The following GSDMA variants were observed in gnomAD, a reference collection of about 807,000 sequenced individuals.
The protein encoded by GSDMA is gasdermin A.
Under a neutral mutation model 54.3 loss-of-function variants are expected in GSDMA, and 55 were observed. That is an observed-to-expected ratio of 1.01 (90% confidence interval 0.82 to 1.27). GSDMA has a LOEUF of 1.27. Ranked by LOEUF, GSDMA falls within the 50% of genes most tolerant of loss-of-function variation. The pLI is 0.00. For synonymous variants in GSDMA, 211 were observed against 224.7 expected (o/e 0.94, Z 0.54); for missense variants, 542 against 542.6 (o/e 1.00, Z 0.01).
intron 5 of GSDMA, 100 bp downstream of exon 5, chr17:39,971,720 A>G: frequency 7.2e-6 from 6 of 832,906 alleles, no homozygotes; most frequent in Non-Finnish European, 1.0e-5. Flanking sequence ...GAGAATGAGT[A>G]GGGGGGTGTA....
In GSDMA at chr17:39,977,051, C is replaced by T. The variant is rs1198693370; in HGVS notation, c.1331C>T (p.Ala444Val). Residue 444 changes from alanine (A) to valine (V), a missense_variant, in exon 12 of 12, where the codon GCC (alanine) becomes GTC (valine). Physicochemically the swap from Ala to Val is moderately conservative, Grantham distance 64 (BLOSUM62 0). Transcript: ENST00000301659. Reference sequence around the variant, plus strand: ...TCTCTCCTTCAGCAGCTTACCAAGGCCTCCTAATTTGCCTTTTACGTCTGC... The same window carrying T: ...TCTCTCCTTCAGCAGCTTACCAAGGTCTCCTAATTTGCCTTTTACGTCTGC... ...GLSLLQQLTK[A>V]S is the part of the protein sequence containing the mutation. The T allele has an allele frequency of 3.7e-6, 6 of 1,613,798 alleles. No individual in the cohort carries two copies. The highest frequency in any genetic ancestry group is 5.1e-6 in the Non-Finnish European group (6 of 1,179,820).
intron 7 of GSDMA, among the ~76,000 whole-genome samples, chr17:39,972,831 C>G (rs1037586766): frequency 3.3e-5 from 5 of 152,060 alleles, no homozygotes; most frequent in Non-Finnish European, 7.4e-5. Flanking sequence ...GACCTTTGTC[C>G]TCAACAGCCT....
At chr17:39,969,169 G>C (rs1007979111) in intron 3 of GSDMA, among the ~76,000 whole-genome samples, 1 of 151,980 alleles carries the variant, frequency 6.6e-6, no homozygotes, top group Non-Finnish European at 1.5e-5. Flanking sequence ...CTGGGCAAGA[G>C]AGTGAAACCC....
At position 39,971,605 on chromosome 17, in the gene GSDMA, G is replaced by A. The variant is rs976696445; in HGVS notation, c.640G>A (p.Gly214Ser). 1.9e-6 allele frequency: 3 copies of A among 1,613,758 alleles called. No homozygotes were observed. Among genetic ancestry groups the A allele is most frequent in the Non-Finnish European group, 2.5e-6 (3 of 1,179,674 alleles). Residue 214 changes from glycine to serine, a missense_variant, in exon 5 of 12, where the codon GGC (glycine) becomes AGC (serine). Coordinates refer to ENST00000301659, the MANE Select transcript of GSDMA (RefSeq NM_178171.5). Reference protein sequence around the residue: ...AFRVRQLMVKGKDEWDIPHIC... With the variant: ...AFRVRQLMVKSKDEWDIPHIC... ...TCGAGTGAGACAGCTGATGGTCAAA[G>A]GCAAAGATGAGTGGGGTGAGCAGAG...
intron 5 of GSDMA, 54 bp from the exon 6 acceptor site, chr17:39,972,075 A>C: frequency 8.1e-7 from 1 of 1,233,678 alleles, no homozygotes; most frequent in Non-Finnish European, 1.2e-6. Context: ...TGAAGAAGGG[A>C]ATGTGGGGCA....
Position 39,976,921 on chromosome 17 carries a change from G to A in GSDMA, c.1201G>A (p.Glu401Lys). Residue 401 changes from glutamate to lysine, a missense_variant, in exon 12 of 12, where the codon GAG becomes AAG. Coordinates refer to ENST00000301659, the MANE Select transcript of GSDMA (RefSeq NM_178171.5). Reference protein sequence around the residue: ...SLGDEELTLTEALVGLSGLEV... With the variant: ...SLGDEELTLTKALVGLSGLEV... ...TGGGGACGAGGAGCTGACCCTCACG[G>A]AGGCTCTAGTCGGGCTGAGTGGCCT... 1 of 1,613,992 alleles carries A rather than the reference G, an allele frequency of 6.2e-7. No homozygotes were observed. Among genetic ancestry groups the A allele is most frequent in the Non-Finnish European group, 8.5e-7 (1 of 1,179,896 alleles).
intron 5 of GSDMA, 121 bp from the exon 6 acceptor site, chr17:39,972,008 A>AATGAAG: frequency 1.6e-6 from 1 of 640,016 alleles, no homozygotes; most frequent in South Asian, 2.0e-5. Context: ...CTGGGAATTA[A>AATGAAG]ATGAAGCATT....
intron 11 of GSDMA, 118 bp from the exon 12 acceptor site, chr17:39,976,698 T>C: frequency 7.3e-7 from 1 of 1,363,452 alleles, no homozygotes; most frequent in Non-Finnish European, 1.0e-6. Context: ...GGGGTTGTAA[T>C]GTAAGGTAAA....
intron 10 of GSDMA, 91 bp from the exon 11 acceptor site, chr17:39,975,833 A>AT (rs1980174037): frequency 1.4e-5 from 13 of 935,570 alleles, no homozygotes; most frequent in Non-Finnish European, 2.2e-5. Flanking sequence ...CATCCAATGA[A>AT]TGAAGGCTGA....
At chr17:39,975,071 C>T (rs1980142929) in intron 10 of GSDMA, 57 bp downstream of exon 10, 5 of 927,942 alleles carry the variant, frequency 5.4e-6, no homozygotes, top group Non-Finnish European at 8.6e-6. Flanking sequence ...GAATGAATCA[C>T]TTGAATCAAT....
Position 39,973,744 on chromosome 17 carries a change from C to A in GSDMA, c.731-66C>A. 2.3e-5 allele frequency: 32 copies of A among 1,382,248 alleles called. 1 individual carries two copies. The South Asian group carries it at 3.9e-4, about 17-fold the overall frequency. 85.6% of individuals were successfully genotyped at this position (1,382,248 alleles called of 1,614,324 possible). A position where few individuals can be genotyped will look rare whatever the true frequency, so the allele number is the denominator to read the frequency against. ...TTCCTCATCTTCCTTAGTGTCTCAA[C>A]CCCTGGGTATGGCTGCCATTCTGAA... On this transcript the variant is annotated intron_variant, in intron 7 of 11. Coordinates refer to ENST00000301659, the MANE Select transcript of GSDMA (RefSeq NM_178171.5).
intron 3 of GSDMA, among the ~76,000 whole-genome samples, chr17:39,970,089 G>A (rs11654561): frequency 2.0e-5 from 3 of 151,432 alleles, no homozygotes; most frequent in Admixed American, 6.6e-5. Context: ...GAGGAAAGAG[G>A]GGGGGAGCAT....
At chr17:39,965,260 G>GGGAA (rs1446606341) in intron 1 of GSDMA, among the ~76,000 whole-genome samples, 2 of 129,068 alleles carry the variant, frequency 1.5e-5, no homozygotes, top group African/African-American at 5.9e-5. Flanking sequence ...GAGGGAGGGA[G>GGGAA]AGAAAGAAAG....
intron 5 of GSDMA, 129 bp downstream of exon 5, chr17:39,971,749 G>A (rs1598305505): frequency 1.5e-6 from 1 of 682,842 alleles, no homozygotes; most frequent in Non-Finnish European, 2.6e-6. Flanking sequence ...TGATCCGACT[G>A]CAGCCATGGA....
chr17:39,975,277 C>T (rs964841579), intron 10 of GSDMA, among the ~76,000 whole-genome samples: 5 of 152,008 alleles, frequency 3.3e-5, no homozygotes, highest in Non-Finnish European at 7.4e-5. Context: ...GGTGAAACCC[C>T]GCCTCTTCCA....
rs1339545471 is a variant in GSDMA, at chr17:39,965,727, C to G, written c.40C>G (p.Gln14Glu). 12 of 1,611,432 alleles carry G rather than the reference C, an allele frequency of 7.4e-6. No homozygotes were observed. Among genetic ancestry groups the G allele is most frequent in the African/African-American group, 1.3e-5 (1 of 74,998 alleles). ...FENVTRALAR[Q>E]LNPRGDLTPL... ...AAATGTCACCCGGGCCCTGGCCAGA[C>G]AGCTAAACCCTCGAGGGGACCTGAC... The change falls in exon 2 of 12, where the codon CAG (glutamine) becomes GAG (glutamate). Residue 14 changes from glutamine (Q) to glutamate (E), a missense_variant. Physicochemically the swap from Gln to Glu is conservative, Grantham distance 29. Coordinates refer to ENST00000301659, the MANE Select transcript of GSDMA (RefSeq NM_178171.5).
intron 1 of GSDMA, 197 bp from the exon 2 acceptor site, chr17:39,965,486 G>A: frequency 1.7e-6 from 1 of 583,366 alleles, no homozygotes; most frequent in Non-Finnish European, 3.1e-6. Flanking sequence ...CAACTCTCCA[G>A]CCCTAGGTTC....
Position 39,968,339 on chromosome 17 carries a change from C to CTTTTTTTTTT in GSDMA, c.392+1919_392+1928dup, listed in dbSNP as rs60315845. ...ACAGGCGTGAGCCACTGAGCCCGGT[C>CTTTTTTTTTT]TTTTTTTTTTTTTTTTTTTTTTTTT... is the stretch of plus-strand genomic sequence containing the variant. On this transcript the variant is annotated intron_variant, in intron 3 of 11. Transcript: ENST00000301659. Among the ~76,000 whole-genome samples the CTTTTTTTTTT allele has an allele frequency of 8.7e-4, 36 of 41,364 alleles. 10 individuals are homozygous for CTTTTTTTTTT. Among genetic ancestry groups the CTTTTTTTTTT allele is most frequent in the African/African-American group, 3.9e-3 (24 of 6,184 alleles). 27.1% of individuals were successfully genotyped at this position (41,364 alleles called of 152,430 possible).
intron 8 of GSDMA, 100 bp downstream of exon 8, chr17:39,973,930 G>A: frequency 2.6e-6 from 3 of 1,153,974 alleles, no homozygotes; most frequent in Non-Finnish European, 3.8e-6. Flanking sequence ...GCTAACTCAT[G>A]GGAAGGGAAA....
Sources: gnomAD v4.1 joint callset for allele counts (sites outside exome capture counted in the v4.1 genomes callset) on GRCh38, gnomAD v4.1.1 for gene constraint, MANE v1.5 for transcripts, NCBI Gene and HGNC (gene_info 2026-07-23, HGNC 2026-07-21) for gene names.